DLEC1: variants seen among roughly 807,000 people sequenced by gnomAD.
DLEC1 encodes deleted in lung and esophageal cancer protein 1.
DLEC1 carries 146 observed loss-of-function variants against 198.1 expected under a neutral mutation model. The ratio of observed to expected loss-of-function variants is 0.74; its 90% CI spans 0.64 to 0.85. The LOEUF is 0.85. Among genes scored for constraint, DLEC1 ranks in the 40% least tolerant of loss-of-function variants. The pLI, the probability that DLEC1 is intolerant of heterozygous loss-of-function variation, is 0.00. For synonymous variants in DLEC1, 897 were observed against 866.8 expected (o/e 1.03, Z -0.61); for missense variants, 2,233 against 2,220.0 (o/e 1.01, Z -0.12).
intron 19 of DLEC1, among the ~76,000 whole-genome samples, chr3:38,101,818 G>A (rs567215100): frequency 3.0e-4 from 45 of 152,240 alleles, no homozygotes; most frequent in Admixed American, 2.1e-3. Flanking sequence ...GGCAATTTGC[G>A]GGCATTAGAT....
chr3:38,097,658 C>T (rs1284005065), intron 17 of DLEC1, 21 bp downstream of exon 17: 1 of 1,614,060 alleles, frequency 6.2e-7, no homozygotes, highest in Non-Finnish European at 8.5e-7. Flanking sequence ...TGGAGCTGGG[C>T]AGTGGGGTGG....
intron 2 of DLEC1, among the ~76,000 whole-genome samples, chr3:38,051,310 C>T (rs541969405): frequency 3.9e-4 from 60 of 152,334 alleles, no homozygotes; most frequent in Non-Finnish European, 6.9e-4. Context: ...GATCGCTCAG[C>T]GGCAGTGGCG....
At chr3:38,068,555 G>C (rs1697154022) in intron 6 of DLEC1, among the ~76,000 whole-genome samples, 1 of 152,216 alleles carries the variant, frequency 6.6e-6, no homozygotes, top group Non-Finnish European at 1.5e-5. Flanking sequence ...TGAGAACAGT[G>C]TCAAAGAACT....
At position 38,122,400 on chromosome 3, in the gene DLEC1, T is replaced by C; in HGVS notation, c.5256T>C (p.Pro1752=). ...CCTATGATGAGAGATACATGTTGCC[T>C]CACCAGCCCTGAGGCTCCGCCCCAG... is the stretch of plus-strand genomic sequence containing the variant. ...QGSYDERYML[P]HQP Residue 1752 remains proline (P), a synonymous_variant, in exon 37 of 37, where the codon CCT becomes CCC. Transcript: ENST00000308059. 6.2e-7 allele frequency: 1 copy of C among 1,614,110 alleles called. No individual in the cohort carries two copies.
chr3:38,058,088 C>T (rs1443107057), intron 2 of DLEC1, among the ~76,000 whole-genome samples: 1 of 152,116 alleles, frequency 6.6e-6, no homozygotes, highest in African/African-American at 2.4e-5. Context: ...CAGCATGAGC[C>T]ACCGTGCCCG....
intron 1 of DLEC1, among the ~76,000 whole-genome samples, chr3:38,041,869 A>C (rs1248453439): frequency 2.0e-5 from 3 of 152,018 alleles, no homozygotes; most frequent in African/African-American, 7.2e-5. Context: ...AAAAAAAAGA[A>C]ATACAACTAT....
At chr3:38,114,874 GA>G in intron 26 of DLEC1, 108 bp from the exon 27 acceptor site, 1 of 944,868 alleles carries the variant, frequency 1.1e-6, no homozygotes, top group Non-Finnish European at 1.6e-6. Context: ...AGTGAGGCCA[GA>G]CCACTGTGGT....
In DLEC1 at chr3:38,120,627, C is replaced by T. The variant is rs759560411; in HGVS notation, c.4866+18C>T. ...CCACTCAGGCACGCCCCAGGCCCAC[C>T]TACATGTGGAGGAGGGTGGAAGTGG... On this transcript the variant is annotated intron_variant, in intron 34 of 36. Transcript: ENST00000308059. 4.3e-6 allele frequency: 7 copies of T among 1,612,320 alleles called. No homozygotes were observed. The highest frequency in any genetic ancestry group is 3.3e-5 in the South Asian group (3 of 90,990).
Position 38,122,746 on chromosome 3 carries a change from A to C in DLEC1, c.*334A>C. On this transcript the variant is annotated 3_prime_UTR_variant, in exon 37 of 37. Transcript: ENST00000308059. ...CATGCACTTTTACTATGCCCATTGC[A>C]CTTCTCATCCATGGATTTGCCTTGC... 1.6e-6 allele frequency: 2 copies of C among 1,284,782 alleles called. No homozygotes were observed. The highest frequency in any genetic ancestry group is 2.8e-4 in the Middle Eastern group (1 of 3,584). The allele number at this position is 1,284,782 out of a possible 1,614,324, so 79.6% of individuals were successfully genotyped here. A position where few individuals can be genotyped will look rare whatever the true frequency, so the allele number is the denominator to read the frequency against.
At position 38,062,232 on chromosome 3, in the gene DLEC1, A is replaced by G. The variant is rs1559406116; in HGVS notation, c.737A>G (p.Lys246Arg). Reference protein sequence around the residue: ...FSCEKRSVQKKELNKKLEDSC... With the variant: ...FSCEKRSVQKRELNKKLEDSC... ...TGTGAGAAGCGTTCCGTCCAGAAGA[A>G]AGAGCTGAACAAGAAGCTTGAAGAT... Residue 246 changes from lysine (K) to arginine (R), a missense_variant, in exon 4 of 37, where the codon AAA becomes AGA. Lys to Arg is a conservative substitution (Grantham distance 26, BLOSUM62 2). Transcript: ENST00000308059. The G allele has an allele frequency of 1.9e-6, 3 of 1,614,238 alleles. No homozygotes were observed. Among genetic ancestry groups the G allele is most frequent in the Middle Eastern group, 1.6e-4 (1 of 6,062 alleles).
In DLEC1 at chr3:38,116,634, A is replaced by G; in HGVS notation, c.4038A>G (p.Glu1346=). The G allele has an allele frequency of 1.9e-6, 3 of 1,614,102 alleles. No individual in the cohort carries two copies. The highest frequency in any genetic ancestry group is 2.5e-6 in the Non-Finnish European group (3 of 1,179,986). ...LWSPGPSSSS[E]FSHETDSSVE... ...CCCCAGGCCCCTCCAGTTCATCGGAATTCAGCCATGAAACTGACTCATCAG... is the reference window on the plus strand; with the variant it reads ...CCCCAGGCCCCTCCAGTTCATCGGAGTTCAGCCATGAAACTGACTCATCAG... Residue 1346 remains glutamate, a synonymous_variant, in exon 28 of 37, where the codon GAA becomes GAG. Transcript: ENST00000308059.
At chr3:38,114,258 G>A in intron 25 of DLEC1, 84 bp from the exon 26 acceptor site, 1 of 1,367,064 alleles carries the variant, frequency 7.3e-7, no homozygotes, top group Non-Finnish European at 1.0e-6. Flanking sequence ...CCCCTGGGCT[G>A]GCTGGACAAG....
chr3:38,092,975 T>G (rs900462076), intron 11 of DLEC1, 95 bp downstream of exon 11: 1 of 1,178,262 alleles, frequency 8.5e-7, no homozygotes, highest in Non-Finnish European at 1.3e-6. Context: ...GCCCACCTGT[T>G]TCCTGTGTGT....
At chr3:38,102,496 T>C (rs1420418325) in intron 19 of DLEC1, among the ~76,000 whole-genome samples, 2 of 152,272 alleles carry the variant, frequency 1.3e-5, no homozygotes, top group African/African-American at 4.8e-5. Flanking sequence ...ATTTCTGTTT[T>C]CCCAGATGTT....
At chr3:38,044,475 A>G (rs2125574254) in intron 1 of DLEC1, among the ~76,000 whole-genome samples, 1 of 152,278 alleles carries the variant, frequency 6.6e-6, no homozygotes, top group African/African-American at 2.4e-5. Flanking sequence ...AGGCAGGAGA[A>G]TCACTTGAAC....
intron 6 of DLEC1, among the ~76,000 whole-genome samples, chr3:38,083,413 G>C (rs1050437165): frequency 6.6e-6 from 1 of 152,172 alleles, no homozygotes; most frequent in Non-Finnish European, 1.5e-5. Flanking sequence ...TTTTGAGCCA[G>C]GATTGGCCAG....
At position 38,121,634 on chromosome 3, in the gene DLEC1, C is replaced by G. The variant is rs774606683; in HGVS notation, c.4873C>G (p.Pro1625Ala). The part of the protein sequence containing the change: ...EYTNQTTQVV[P>A]LRAVVAVPEL... ...GTTGCCTGGTCTCCCACAGGTGGTGCCCCTGCGGGCTGTGGTGGCCGTGCC... is the reference window on the plus strand; with the variant it reads ...GTTGCCTGGTCTCCCACAGGTGGTGGCCCTGCGGGCTGTGGTGGCCGTGCC... The change falls in exon 35 of 37, where the codon CCC (proline) becomes GCC (alanine). Residue 1625 changes from proline to alanine, a missense_variant. Pro to Ala is a conservative substitution (Grantham distance 27, BLOSUM62 -1). Transcript: ENST00000308059. The G allele has an allele frequency of 1.2e-6, 2 of 1,613,212 alleles. No individual in the cohort carries two copies. Among genetic ancestry groups the G allele is most frequent in the Admixed American group, 3.3e-5 (2 of 59,994 alleles).
intron 9 of DLEC1, among the ~76,000 whole-genome samples, chr3:38,087,477 C>T (rs1698524031): frequency 6.7e-6 from 1 of 149,756 alleles, no homozygotes; most frequent in South Asian, 2.2e-4. Flanking sequence ...AGCACTGACA[C>T]CATCCATCAG....
intron 7 of DLEC1, 118 bp downstream of exon 7, chr3:38,084,363 GTAGTA>G: frequency 1.1e-6 from 1 of 889,084 alleles, no homozygotes; most frequent in Non-Finnish European, 1.7e-6. Context: ...GGTGGTGGTA[GTAGTA>G]GTAGTGATGG....
Sources: allele counts gnomAD v4.1 joint callset (sites outside exome capture counted in the v4.1 genomes callset), GRCh38; gene constraint gnomAD v4.1.1; transcripts MANE v1.5; gene names NCBI Gene and HGNC (gene_info 2026-07-23, HGNC 2026-07-21).